RIMS2: variants seen among roughly 807,000 people sequenced by gnomAD.
RIMS2 encodes the protein regulating synaptic membrane exocytosis protein 2.
A neutral mutation model predicts 174.4 loss-of-function variants in RIMS2; 59 were observed. That is an observed-to-expected ratio of 0.34 (90% CI 0.27 to 0.42). RIMS2 has a LOEUF of 0.42. Ranked by LOEUF, RIMS2 falls within the 10% of genes least tolerant of loss-of-function variation. RIMS2 has a pLI of 1.00. For synonymous variants in RIMS2, 606 were observed against 572.5 expected (o/e 1.06, Z -0.84); for missense variants, 1,620 against 1,666.3 (o/e 0.97, Z 0.48).
chr8:104,134,795 A>T (rs73699076), intron 19 of RIMS2, among the ~76,000 whole-genome samples: 3,313 of 152,250 alleles, frequency 0.022, 139 homozygotes, highest in African/African-American at 0.075. Context: ...TCTTTGGGGC[A>T]TTGTCCCCAT....
Position 103,613,301 on chromosome 8 carries a change from G to T in RIMS2, c.177-83785G>T, listed in dbSNP as rs573187278. On this transcript the variant is annotated intron_variant, in intron 1 of 23. Transcript: ENST00000504942. ...TCCCATCTCCCTTCAATGGGCAGAG[G>T]AGTCTATCCCTGTGGGCACACTAAC... Among the ~76,000 whole-genome samples, 5 of 152,304 alleles carry T rather than the reference G, an allele frequency of 3.3e-5. No individual in the cohort carries two copies. In the South Asian group the frequency reaches 1.0e-3, roughly 32 times the overall value.
intron 4 of RIMS2, among the ~76,000 whole-genome samples, chr8:103,893,642 A>C (rs981532459): frequency 6.6e-6 from 1 of 152,144 alleles, no homozygotes; most frequent in African/African-American, 2.4e-5. Flanking sequence ...AAAAAAACTT[A>C]AATATTTTGT....
intron 17 of RIMS2, among the ~76,000 whole-genome samples, chr8:104,006,626 TTCTCTCTCTCTCTCTCTCTC>T (rs55665972): frequency 3.9e-4 from 54 of 138,204 alleles, no homozygotes; most frequent in Non-Finnish European, 6.8e-4. Context: ...AGTGATCTAT[TTCTCTCTCTCTCTCTCTCTC>T]TCTCTCTCTC....
intron 19 of RIMS2, among the ~76,000 whole-genome samples, chr8:104,169,341 A>ATATATATATATATATATAT (rs1563510137): frequency 1.5e-4 from 5 of 33,754 alleles, no homozygotes; most frequent in African/African-American, 2.0e-4. Flanking sequence ...TATATATATA[A>ATATATATATATATATATAT]AACAGATTCA....
intron 10 of RIMS2, among the ~76,000 whole-genome samples, chr8:103,922,860 A>C (rs2077984311): frequency 6.6e-6 from 1 of 152,000 alleles, no homozygotes; most frequent in Non-Finnish European, 1.5e-5. Context: ...TTATTAAAAA[A>C]ATCATTAGAC....
chr8:103,736,502 C>A (rs2097687456), intron 2 of RIMS2, among the ~76,000 whole-genome samples: 1 of 152,064 alleles, frequency 6.6e-6, no homozygotes, highest in African/African-American at 2.4e-5. Context: ...TGAAGGGACA[C>A]AAAACTATAT....
intron 19 of RIMS2, among the ~76,000 whole-genome samples, chr8:104,190,206 G>A (rs767553010): frequency 3.3e-5 from 5 of 152,068 alleles, no homozygotes; most frequent in Non-Finnish European, 7.4e-5. Context: ...GGAGACTGAG[G>A]TGGGAGAATC....
intron 1 of RIMS2, among the ~76,000 whole-genome samples, chr8:103,624,016 A>G (rs2095712240): frequency 6.6e-6 from 1 of 152,182 alleles, no homozygotes; most frequent in Non-Finnish European, 1.5e-5. Context: ...TTGTAAAAAG[A>G]GACTCACTTC....
At chr8:104,131,419 G>T (rs2098472747) in intron 19 of RIMS2, among the ~76,000 whole-genome samples, 1 of 152,068 alleles carries the variant, frequency 6.6e-6, no homozygotes, top group South Asian at 2.1e-4. Context: ...TTGTCCCTCA[G>T]GTAGTCTGAG....
chr8:103,759,507 G>A (rs2098082036), intron 2 of RIMS2, among the ~76,000 whole-genome samples: 2 of 145,564 alleles, frequency 1.4e-5, no homozygotes, highest in East Asian at 4.1e-4. Flanking sequence ...GGAGCTTGCA[G>A]TGAGCAGAGA....
chr8:103,989,372 A>T, exon 17 of RIMS2: 1 of 1,613,512 alleles, frequency 6.2e-7, no homozygotes, highest in South Asian at 1.1e-5. Context: ...AATTAGCCGA[A>T]TGGACAGACA....
intron 1 of RIMS2, among the ~76,000 whole-genome samples, chr8:103,683,819 A>G (rs1292083904): frequency 6.6e-6 from 1 of 152,152 alleles, no homozygotes; most frequent in Non-Finnish European, 1.5e-5. Context: ...AACCTCCTGT[A>G]GTGGTGCTTG....
intron 1 of RIMS2, among the ~76,000 whole-genome samples, chr8:103,588,638 G>A (rs1157459014): frequency 6.6e-6 from 1 of 151,892 alleles, no homozygotes; most frequent in Non-Finnish European, 1.5e-5. Flanking sequence ...TGACAAAAGT[G>A]CCAAGAATAT....
intron 3 of RIMS2, among the ~76,000 whole-genome samples, chr8:103,787,042 T>C (rs2154438187): frequency 6.7e-6 from 1 of 149,924 alleles, no homozygotes; most frequent in East Asian, 1.9e-4. Flanking sequence ...TCTTTGTCTC[T>C]TTTGATCTTT....
intron 19 of RIMS2, among the ~76,000 whole-genome samples, chr8:104,143,050 G>A (rs535973010): frequency 1.3e-5 from 2 of 152,202 alleles, no homozygotes; most frequent in African/African-American, 4.8e-5. Flanking sequence ...GTTGACCATT[G>A]GAATTTCAGT....
chr8:103,886,268 C>G (rs767363061), intron 4 of RIMS2, 45 bp downstream of exon 7: 36 of 1,500,052 alleles, frequency 2.4e-5, no homozygotes, highest in East Asian at 7.0e-5. Flanking sequence ...ATTAGATAAG[C>G]GTTTTTTTTA....
rs142923188 is a variant in RIMS2 at position 103,617,099 on chromosome 8, C to T, written c.177-79987C>T. The stretch of plus-strand genomic sequence containing the variant: ...AAAAAGAACAAAGCTGGCAGCATCA[C>T]GTTACCCAACTTCAAACCATACTAC... On this transcript the variant is annotated intron_variant, in intron 1 of 23. Transcript: ENST00000504942. Among the ~76,000 whole-genome samples the T allele has an allele frequency of 5.6e-3, 846 of 152,262 alleles. 5 individuals are homozygous for T. Among genetic ancestry groups the T allele is most frequent in the Non-Finnish European group, 7.8e-3 (530 of 68,014 alleles).
intron 3 of RIMS2, among the ~76,000 whole-genome samples, chr8:103,823,133 A>AT (rs1593172612): frequency 6.6e-6 from 1 of 151,764 alleles, no homozygotes; most frequent in African/African-American, 2.4e-5. Flanking sequence ...AGATGAAATT[A>AT]TTTTTTTGCC....
At chr8:104,226,668 G>A (rs2099189817) in intron 19 of RIMS2, among the ~76,000 whole-genome samples, 1 of 152,134 alleles carries the variant, frequency 6.6e-6, no homozygotes, top group Non-Finnish European at 1.5e-5. Context: ...TTATAAGAAA[G>A]CCTAATTTAG....
Sources: gnomAD v4.1 joint callset for allele counts (sites outside exome capture counted in the v4.1 genomes callset) on GRCh38, gnomAD v4.1.1 for gene constraint, MANE v1.5 for transcripts, NCBI Gene and HGNC (gene_info 2026-07-23, HGNC 2026-07-21) for gene names.